NOS3: variants seen among roughly 807,000 people sequenced by gnomAD.
NOS3 encodes the protein nitric oxide synthase 3.
Under a neutral mutation model 144.9 loss-of-function variants are expected in NOS3, and 98 were observed. That is an observed-to-expected ratio of 0.68 (90% CI 0.57 to 0.80). NOS3 has a LOEUF of 0.80. Among genes scored for constraint, NOS3 ranks in the 30% least tolerant of loss-of-function variants. The pLI is 0.00. For missense variants in NOS3, 1,465 were observed against 1,656.4 expected (o/e 0.88, Z 2.01); for synonymous variants, 714 against 702.4 (o/e 1.02, Z -0.26).
rs1161188385 is a variant in NOS3 at position 151,010,102 on chromosome 7, G to T, written c.2513-13G>T. ...GGGCCCTGTCCTCAGAGCTCCCTGT[G>T]CACTATCCCCAGGTGGCCCTCCCCC... On this transcript the variant is annotated splice_polypyrimidine_tract_variant and intron_variant, in intron 20 of 26. Coordinates refer to ENST00000297494, the MANE Select transcript of NOS3 (RefSeq NM_000603.5). 6.4e-7 allele frequency: 1 copy of T among 1,564,982 alleles called. No homozygotes were observed. The highest frequency in any genetic ancestry group is 1.3e-5 in the African/African-American group (1 of 74,100).
In NOS3 at chr7:151,003,506, C is replaced by G; in HGVS notation, c.1752+1202C>G. On this transcript the variant is annotated intron_variant, in intron 14 of 26. Transcript: ENST00000297494. The surrounding 1 kb of genome is among the most constrained non-coding windows in gnomAD (Gnocchi z 4.1). ...CCGTTTCAGCCCTCATTCTGACCTACCTTTTCAAGAAAAATAGCACCAGCA... is the reference window on the plus strand; with the variant it reads ...CCGTTTCAGCCCTCATTCTGACCTAGCTTTTCAAGAAAAATAGCACCAGCA... 8.0e-7 allele frequency: 1 copy of G among 1,254,312 alleles called. No homozygotes were observed. The highest frequency in any genetic ancestry group is 2.2e-4 in the Middle Eastern group (1 of 4,482). The allele number at this position is 1,254,312 out of a possible 1,614,324, so 77.7% of individuals were successfully genotyped here. A position where few individuals can be genotyped will look rare whatever the true frequency, so the allele number is the denominator to read the frequency against.
intron 17 of NOS3, 96 bp from the exon 18 acceptor site, chr7:151,008,834 C>A (rs959399521): frequency 7.3e-7 from 1 of 1,377,478 alleles, no homozygotes; most frequent in Non-Finnish European, 9.6e-7. Context: ...GGCTGCCAAC[C>A]CCCCAGGAGC....
Position 150,993,258 on chromosome 7 carries a change from A to C in NOS3, c.-51-495A>C, listed in dbSNP as rs1406294830. On this transcript the variant is annotated intron_variant, in intron 1 of 26. Transcript: ENST00000297494. This position sits in a 1 kb window ranked among gnomAD's most constrained non-coding sequence, Gnocchi z 4.0. ...AACCCAAAAGGACTCAAGGGTGGGG[A>C]TCCAGGAGTTCTTGTATGTATGGGG... Among the ~76,000 whole-genome samples, 1 of 152,118 alleles carries C rather than the reference A, an allele frequency of 6.6e-6. No individual in the cohort carries two copies. The highest frequency in any genetic ancestry group is 1.9e-4 in the East Asian group (1 of 5,198).
At chr7:151,004,638 C>A (rs1795178563) in intron 14 of NOS3, among the ~76,000 whole-genome samples, 1 of 152,132 alleles carries the variant, frequency 6.6e-6, no homozygotes, top group Non-Finnish European at 1.5e-5. Context: ...CACAACAGTG[C>A]AGGTGAATCT....
At chr7:151,007,327 T>C in intron 17 of NOS3, 51 bp downstream of exon 17, 1 of 1,523,624 alleles carries the variant, frequency 6.6e-7, no homozygotes. Flanking sequence ...GGATGCCTCC[T>C]CCTGCCTCAC....
chr7:150,993,427 T>A lies in NOS3; in HGVS notation c.-51-326T>A, dbSNP rs1450975400. Reference sequence around the variant, plus strand: ...CACACAGGGGTGAGGCCGAAGGCCCTTCCGTCTGGTGCCACATCACAGAAG... The same window carrying A: ...CACACAGGGGTGAGGCCGAAGGCCCATCCGTCTGGTGCCACATCACAGAAG... On this transcript the variant is annotated intron_variant, in intron 1 of 26. Transcript: ENST00000297494. The surrounding 1 kb of genome is among the most constrained non-coding windows in gnomAD (Gnocchi z 4.0). Among the ~76,000 whole-genome samples the A allele has an allele frequency of 6.6e-6, 1 of 152,152 alleles. No homozygotes were observed. Among genetic ancestry groups the A allele is most frequent in the Non-Finnish European group, 1.5e-5 (1 of 68,014 alleles).
chr7:151,013,398 G>A lies in NOS3; in HGVS notation c.3255+19G>A, dbSNP rs745585290. ...CCCCAAGGTGTGAGACCCTGAGGGC[G>A]CAATGGTAACCTGAAGATAGGGAGA... On this transcript the variant is annotated intron_variant, in intron 25 of 26. Coordinates refer to ENST00000297494, the MANE Select transcript of NOS3 (RefSeq NM_000603.5). 2 of 1,603,470 alleles carry A rather than the reference G, an allele frequency of 1.2e-6. No individual in the cohort carries two copies. Among genetic ancestry groups the A allele is most frequent in the East Asian group, 4.5e-5 (2 of 44,666 alleles).
At position 151,002,064 on chromosome 7, in the gene NOS3, T is replaced by G; in HGVS notation, c.1647+99T>G. On this transcript the variant is annotated intron_variant, in intron 13 of 26. Coordinates refer to ENST00000297494, the MANE Select transcript of NOS3 (RefSeq NM_000603.5). This position sits in a 1 kb window ranked among gnomAD's most constrained non-coding sequence, Gnocchi z 4.1. ...GACAGGAAGTGTTACAAGTCAGGACTCATGAGGAACCCGGAACCACAGGTG... is the reference window on the plus strand; with the variant it reads ...GACAGGAAGTGTTACAAGTCAGGACGCATGAGGAACCCGGAACCACAGGTG... 6.6e-7 allele frequency: 1 copy of G among 1,516,170 alleles called. No individual in the cohort carries two copies. Among genetic ancestry groups the G allele is most frequent in the Non-Finnish European group, 9.0e-7 (1 of 1,106,560 alleles). The allele number at this position is 1,516,170 out of a possible 1,614,324, so 93.9% of individuals were successfully genotyped here. A position where few individuals can be genotyped will look rare whatever the true frequency, so the allele number is the denominator to read the frequency against.
In NOS3 at chr7:151,010,733, C is replaced by T. The variant is rs144452379; in HGVS notation, c.2822C>T (p.Ser941Leu). 1 of 1,613,316 alleles carries T rather than the reference C, an allele frequency of 6.2e-7. No homozygotes were observed. The highest frequency in any genetic ancestry group is 1.3e-5 in the African/African-American group (1 of 74,894). ...QLPLLQPRYYSVSSAPSTHPG... is the reference protein window; with the variant it reads ...QLPLLQPRYYLVSSAPSTHPG... ...CCTCTGCTCCAGCCCCGGTACTACT[C>T]AGTCAGCTCGGCACCCAGCACCCAC... The change falls in exon 22 of 27, where the codon TCA (serine) becomes TTA (leucine). Residue 941 changes from serine (S) to leucine (L), a missense_variant. Around this residue, in one of 5 missense-constraint regions of NOS3, gnomAD observed 106 missense variants for 167.7 expected, o/e 0.63. Coordinates refer to ENST00000297494, the MANE Select transcript of NOS3 (RefSeq NM_000603.5).
In NOS3 at chr7:150,998,759, C is replaced by T; in HGVS notation, c.816+79C>T. On this transcript the variant is annotated intron_variant, in intron 7 of 26. Coordinates refer to ENST00000297494, the MANE Select transcript of NOS3 (RefSeq NM_000603.5). The surrounding 1 kb of genome is among the most constrained non-coding windows in gnomAD (Gnocchi z 5.0). The stretch of plus-strand genomic sequence containing the variant: ...CCAGTGGGAGAAGGCTCGGGGGATC[C>T]AGGCAGGAAGAGGGGAGCCTCGGTG... The T allele has an allele frequency of 6.5e-7, 1 of 1,530,802 alleles. No homozygotes were observed. The highest frequency in any genetic ancestry group is 1.2e-5 in the South Asian group (1 of 84,372). 94.8% of individuals were successfully genotyped at this position (1,530,802 alleles called of 1,614,324 possible).
chr7:151,001,532 ATC>A lies in NOS3; in HGVS notation c.1429-6_1429-5del. 1.2e-6 allele frequency: 2 copies of A among 1,613,378 alleles called. No homozygotes were observed. Among genetic ancestry groups the A allele is most frequent in the Non-Finnish European group, 1.7e-6 (2 of 1,179,586 alleles). ...CTTTACCTCCCCTCCCAACCCCATC[ATC>A]TCTCTGCAGCCAGACCCCTGGAAGG... On this transcript the variant is annotated splice_polypyrimidine_tract_variant and intron_variant, in intron 11 of 26. Coordinates refer to ENST00000297494, the MANE Select transcript of NOS3 (RefSeq NM_000603.5).
intron 15 of NOS3, 48 bp from the exon 16 acceptor site, chr7:151,006,841 G>C (rs565589518): frequency 1.4e-6 from 2 of 1,458,036 alleles, no homozygotes; most frequent in South Asian, 1.1e-5. Flanking sequence ...GGCCTAGCCT[G>C]TATCCCCAGG....
rs199642317 is a variant in NOS3 at position 150,993,881 on chromosome 7, C to T, written c.78C>T (p.Cys26=). The T allele has an allele frequency of 1.1e-4, 171 of 1,602,824 alleles. No homozygotes were observed. In the Middle Eastern group the frequency reaches 1.6e-3, roughly 15 times the overall value. ...GLGLGLGLGL[C]GKQGPATPAP... The stretch of plus-strand genomic sequence containing the variant: ...GGCTGGGGCTGGGCCTTGGGCTGTG[C>T]GGCAAGCAGGGCCCAGCCACCCCGG... Residue 26 remains cysteine, a synonymous_variant, in exon 2 of 27, where the codon TGC becomes TGT. Coordinates refer to ENST00000297494, the MANE Select transcript of NOS3 (RefSeq NM_000603.5). This position sits in a 1 kb window ranked among gnomAD's most constrained non-coding sequence, Gnocchi z 4.0.
At chr7:150,999,842 AGTGT>A (rs1321752855) in intron 9 of NOS3, among the ~76,000 whole-genome samples, 1 of 70,488 alleles carries the variant, frequency 1.4e-5, no homozygotes. Context: ...TGTAGGGGTG[AGTGT>A]GTGTGAGTTT....
In NOS3 at chr7:150,993,789, T is replaced by G; in HGVS notation, c.-15T>G. 6.3e-7 allele frequency: 1 copy of G among 1,582,622 alleles called. No homozygotes were observed. Among genetic ancestry groups the G allele is most frequent in the Non-Finnish European group, 8.5e-7 (1 of 1,171,192 alleles). Reference sequence around the variant, plus strand: ...GGCTCTGCTGGAGCAGGCAGCAGAGTGGACGCACAGTAACATGGGCAACTT... The same window carrying G: ...GGCTCTGCTGGAGCAGGCAGCAGAGGGGACGCACAGTAACATGGGCAACTT... On this transcript the variant is annotated 5_prime_UTR_variant, in exon 2 of 27. Transcript: ENST00000297494. The surrounding 1 kb of genome is among the most constrained non-coding windows in gnomAD (Gnocchi z 4.0).
At chr7:150,992,805 C>T (rs959535010) in intron 1 of NOS3, among the ~76,000 whole-genome samples, 7 of 152,180 alleles carry the variant, frequency 4.6e-5, no homozygotes, top group Non-Finnish European at 1.0e-4. Context: ...AGGCTTCGAC[C>T]CCTGTGGACC....
In NOS3 at chr7:150,998,589, G is replaced by A. The variant is rs749498142; in HGVS notation, c.725G>A (p.Arg242Gln). ...PQRCPGRGDFRIWNSQLVRYA... is the reference protein window; with the variant it reads ...PQRCPGRGDFQIWNSQLVRYA... ...CGCTGCCCTGGCCGAGGAGACTTCC[G>A]AATCTGGAACAGCCAGCTGGTGCGC... The change falls in exon 7 of 27, where the codon CGA becomes CAA. Residue 242 changes from arginine (R) to glutamine (Q), a missense_variant. By Grantham distance (43) the Arg-to-Gln change is conservative. Transcript: ENST00000297494. This position sits in a 1 kb window ranked among gnomAD's most constrained non-coding sequence, Gnocchi z 5.0. 8 of 1,608,600 alleles carry A rather than the reference G, an allele frequency of 5.0e-6. No homozygotes were observed. Among genetic ancestry groups the A allele is most frequent in the East Asian group, 2.2e-5 (1 of 44,752 alleles).
chr7:150,999,021 G>A lies in NOS3; in HGVS notation c.892G>A (p.Asp298Asn), dbSNP rs754610826. 2.2e-5 allele frequency: 36 copies of A among 1,612,454 alleles called. No homozygotes were observed. The highest frequency in any genetic ancestry group is 4.0e-5 in the African/African-American group (3 of 74,894). ...GCCCCTGCTGCTGCAGGCCCCAGAT[G>A]ATCCCCCAGAACTCTTCCTTCTGCC... is the stretch of plus-strand genomic sequence containing the variant. ...VLPLLLQAPD[D>N]PPELFLLPPE... Residue 298 changes from aspartate to asparagine, a missense_variant, in exon 8 of 27, where the codon GAT (aspartate) becomes AAT (asparagine). Around this residue, in one of 5 missense-constraint regions of NOS3, gnomAD observed 745 missense variants for 853.9 expected, o/e 0.87. Coordinates refer to ENST00000297494, the MANE Select transcript of NOS3 (RefSeq NM_000603.5).
intron 9 of NOS3, among the ~76,000 whole-genome samples, chr7:150,999,670 G>C (rs1344980983): frequency 6.7e-6 from 1 of 150,068 alleles, no homozygotes; most frequent in Non-Finnish European, 1.5e-5. Context: ...GGGTGGGTGA[G>C]TGTGGGTGTG....
Sources: gnomAD v4.1 joint callset for allele counts (sites outside exome capture counted in the v4.1 genomes callset) on GRCh38, gnomAD v4.1.1 for gene constraint, gnomAD v4.1.1 regional missense constraint, Gnocchi (gnomAD v3.1) non-coding constraint, MANE v1.5 for transcripts, NCBI Gene and HGNC (gene_info 2026-07-23, HGNC 2026-07-21) for gene names.